UPF2: variants seen among roughly 807,000 people sequenced by gnomAD.
UPF2 encodes UPF2 regulator of nonsense mediated mRNA decay.
Under a neutral mutation model 141.4 loss-of-function variants are expected in UPF2, and 17 were observed. The ratio of observed to expected loss-of-function variants is 0.12; its 90% CI spans 0.08 to 0.18. UPF2 has a LOEUF of 0.18. Among genes scored for constraint, UPF2 ranks in the 10% least tolerant of loss-of-function variants. The pLI, the probability that UPF2 is intolerant of heterozygous loss-of-function variation, is 1.00. For missense variants in UPF2, 1,152 were observed against 1,515.9 expected (o/e 0.76, Z 3.99); for synonymous variants, 540 against 498.0 (o/e 1.08, Z -1.12).
At chr10:11,961,399 C>T (rs1833238299) in intron 11 of UPF2, among the ~76,000 whole-genome samples, 1 of 151,682 alleles carries the variant, frequency 6.6e-6, no homozygotes, top group Admixed American at 6.6e-5. Context: ...ATAACAAAGG[C>T]TGAAGAACCA....
intron 4 of UPF2, among the ~76,000 whole-genome samples, chr10:12,004,949 G>C (rs749651716): frequency 1.6e-4 from 25 of 152,034 alleles, no homozygotes; most frequent in Non-Finnish European, 3.1e-4. Context: ...ACAACATAAA[G>C]ATTTTTTTCT....
At position 11,991,343 on chromosome 10, in the gene UPF2, G is replaced by A. The variant is rs572504479; in HGVS notation, c.1844+6329C>T. On this transcript the variant is annotated intron_variant, in intron 8 of 21. Coordinates refer to ENST00000357604, the MANE Select transcript of UPF2 (RefSeq NM_015542.4). ...AACAGTGACTGGTAAGAATAAAATC[G>A]CCAGAAAACAACCACAGCACAGTCA... Among the ~76,000 whole-genome samples the A allele has an allele frequency of 7.9e-5, 12 of 152,070 alleles. 1 individual carries two copies. The highest frequency in any genetic ancestry group is 2.2e-4 in the African/African-American group (9 of 41,514).
At position 11,956,080 on chromosome 10, in the gene UPF2, G is replaced by A. The variant is rs1833144813; in HGVS notation, c.2574+240C>T. On this transcript the variant is annotated intron_variant, in intron 13 of 21. Coordinates refer to ENST00000357604, the MANE Select transcript of UPF2 (RefSeq NM_015542.4). This position sits in a 1 kb window ranked among gnomAD's most constrained non-coding sequence, Gnocchi z 4.2. Reference sequence around the variant, plus strand: ...GAGAATTGCTTGAACCCAGGAGGAAGAGGTTGCAGCGAGCGGAGATCGTGC... The same window carrying A: ...GAGAATTGCTTGAACCCAGGAGGAAAAGGTTGCAGCGAGCGGAGATCGTGC... 6.6e-6 allele frequency among the ~76,000 whole-genome samples: 1 copy of A among 151,672 alleles called. No homozygotes were observed. Among genetic ancestry groups the A allele is most frequent in the Non-Finnish European group, 1.5e-5 (1 of 68,004 alleles).
chr10:11,994,224 G>C (rs1047141737), intron 8 of UPF2, among the ~76,000 whole-genome samples: 1 of 152,054 alleles, frequency 6.6e-6, no homozygotes, highest in African/African-American at 2.4e-5. Flanking sequence ...ACCACGAGGA[G>C]AAAAGAGGAA....
At chr10:11,963,783 C>G (rs1833276548) in intron 11 of UPF2, among the ~76,000 whole-genome samples, 1 of 152,146 alleles carries the variant, frequency 6.6e-6, no homozygotes, top group Admixed American at 6.5e-5. Context: ...ACAGGTTGAA[C>G]TTAATTACCC....
At chr10:11,984,865 A>C (rs970784257) in intron 8 of UPF2, among the ~76,000 whole-genome samples, 4 of 152,242 alleles carry the variant, frequency 2.6e-5, no homozygotes, top group East Asian at 3.9e-4. Flanking sequence ...GGTGCCTGCC[A>C]CCATGCCCGG....
At chr10:11,929,038 C>T (rs1460051413) in intron 21 of UPF2, among the ~76,000 whole-genome samples, 2 of 151,990 alleles carry the variant, frequency 1.3e-5, no homozygotes, top group Non-Finnish European at 2.9e-5. Flanking sequence ...GTCCCAGCTA[C>T]TCGGGAGGTT....
intron 3 of UPF2, among the ~76,000 whole-genome samples, chr10:12,028,374 C>A (rs1418472773): frequency 6.6e-6 from 1 of 152,058 alleles, no homozygotes; most frequent in African/African-American, 2.4e-5. Flanking sequence ...ACAATGAAAG[C>A]AAACCTGTTA....
intron 4 of UPF2, among the ~76,000 whole-genome samples, chr10:12,007,397 AT>A: frequency 1.3e-5 from 2 of 152,368 alleles, no homozygotes; most frequent in Admixed American, 1.3e-4. Context: ...TATCTAAAAA[AT>A]AATGTAAATC....
In UPF2 at chr10:12,014,281, C is replaced by T. The variant is rs989834152; in HGVS notation, c.1146-97G>A. On this transcript the variant is annotated intron_variant, in intron 3 of 21. Coordinates refer to ENST00000357604, the MANE Select transcript of UPF2 (RefSeq NM_015542.4). This position sits in a 1 kb window ranked among gnomAD's most constrained non-coding sequence, Gnocchi z 5.0. ...CATTCCATAATTTGATTTTCTCATACAAATTTAGTAAAATCTTCATTTTTA... is the reference window on the plus strand; with the variant it reads ...CATTCCATAATTTGATTTTCTCATATAAATTTAGTAAAATCTTCATTTTTA... 4.7e-5 allele frequency: 55 copies of T among 1,164,522 alleles called. No homozygotes were observed. Among genetic ancestry groups the T allele is most frequent in the Middle Eastern group, 4.4e-4 (2 of 4,590 alleles). The allele number at this position is 1,164,522 out of a possible 1,614,324, so 72.1% of individuals were successfully genotyped here.
chr10:11,975,368 C>T (rs1404622769), intron 9 of UPF2, among the ~76,000 whole-genome samples: 1 of 152,222 alleles, frequency 6.6e-6, no homozygotes, highest in African/African-American at 2.4e-5. Context: ...CATGTTCCCA[C>T]CATCCAAAGA....
chr10:11,970,953 T>C (rs988473128), intron 9 of UPF2, among the ~76,000 whole-genome samples: 1 of 152,150 alleles, frequency 6.6e-6, no homozygotes, highest in South Asian at 2.1e-4. Flanking sequence ...CATCATCTGC[T>C]ATGGAGTATC....
chr10:11,971,681 A>C (rs1833420629), intron 9 of UPF2, among the ~76,000 whole-genome samples: 1 of 152,254 alleles, frequency 6.6e-6, no homozygotes, highest in Admixed American at 6.5e-5. Flanking sequence ...TTATATAATC[A>C]ATCATCCATA....
At position 12,020,495 on chromosome 10, in the gene UPF2, C is replaced by T. The variant is rs147684455; in HGVS notation, c.1146-6311G>A. Among the ~76,000 whole-genome samples, 1,050 of 152,234 alleles carry T rather than the reference C, an allele frequency of 6.9e-3. 7 individuals are homozygous for T. Among genetic ancestry groups the T allele is most frequent in the Non-Finnish European group, 0.011 (773 of 68,030 alleles). On this transcript the variant is annotated intron_variant, in intron 3 of 21. Coordinates refer to ENST00000357604, the MANE Select transcript of UPF2 (RefSeq NM_015542.4). ...CGAATTCCCAACCTCAGGTGATCCG[C>T]CAGCCTCAGCCAAGCTACTAAAGTT...
chr10:11,962,945 A>G (rs543140260), intron 11 of UPF2, among the ~76,000 whole-genome samples: 1 of 152,324 alleles, frequency 6.6e-6, no homozygotes, highest in South Asian at 2.1e-4. Flanking sequence ...AAAATACCTT[A>G]GGCTTATACA....
chr10:12,009,032 T>C (rs912358683), intron 4 of UPF2, among the ~76,000 whole-genome samples: 2 of 152,194 alleles, frequency 1.3e-5, no homozygotes, highest in African/African-American at 4.8e-5. Context: ...CACTCTTTTT[T>C]ATGGCTGCAT....
chr10:12,016,009 A>C lies in UPF2; in HGVS notation c.1146-1825T>G, dbSNP rs1010298024. ...AGAGAGCATGTTTCCCCCTCTTCAA[A>C]CATGTGTTTCAGACTACTGTTACAA... On this transcript the variant is annotated intron_variant, in intron 3 of 21. Coordinates refer to ENST00000357604, the MANE Select transcript of UPF2 (RefSeq NM_015542.4). This position sits in a 1 kb window ranked among gnomAD's most constrained non-coding sequence, Gnocchi z 4.1. Among the ~76,000 whole-genome samples the C allele has an allele frequency of 6.6e-6, 1 of 152,122 alleles. No individual in the cohort carries two copies. Among genetic ancestry groups the C allele is most frequent in the African/African-American group, 2.4e-5 (1 of 41,416 alleles).
At chr10:12,042,931 G>C (rs1392924450), upstream of UPF2, 1 of 152,208 alleles carries the variant, frequency 6.6e-6, no homozygotes, top group Non-Finnish European at 1.5e-5. This position sits in a 1 kb window ranked among gnomAD's most constrained non-coding sequence, Gnocchi z 5.5. Context: ...GCCGGGCTGA[G>C]AGTGGGGGCG....
chr10:11,959,253 G>T lies in UPF2; in HGVS notation c.2288C>A (p.Thr763Asn), dbSNP rs776960402. The T allele has an allele frequency of 5.0e-6, 8 of 1,613,392 alleles. No homozygotes were observed. The Admixed American group carries it at 1.2e-4, about 24-fold the overall frequency. ...YYCNPPPAEK[T>N]VKKKRPPLQE... Reference sequence around the variant, plus strand: ...GAGAGGAGGACGTTTCTTTTTCACGGTTTTTTCAGCTGGAGGTGGGTTGCA... The same window carrying T: ...GAGAGGAGGACGTTTCTTTTTCACGTTTTTTTCAGCTGGAGGTGGGTTGCA... The change falls in exon 12 of 22, where the codon ACC becomes AAC. Residue 763 changes from threonine to asparagine, a missense_variant. By Grantham distance (65) the Thr-to-Asn change is moderately conservative (BLOSUM62 0). This residue lies in a region of UPF2 where 739 missense variants were observed against 1,032.2 expected (regional missense o/e 0.72). Coordinates refer to ENST00000357604, the MANE Select transcript of UPF2 (RefSeq NM_015542.4). The surrounding 1 kb of genome is among the most constrained non-coding windows in gnomAD (Gnocchi z 5.9).
Sources: allele counts gnomAD v4.1 joint callset (sites outside exome capture counted in the v4.1 genomes callset), GRCh38; gene constraint gnomAD v4.1.1; regional missense constraint gnomAD v4.1.1; non-coding constraint Gnocchi (gnomAD v3.1); transcripts MANE v1.5; gene names NCBI Gene and HGNC (gene_info 2026-07-23, HGNC 2026-07-21).